Variants in CTNNA2 observed in about 807,000 individuals in gnomAD.
CTNNA2 encodes the protein catenin alpha-2.
In CTNNA2, 42 loss-of-function variants were observed where a neutral mutation model predicts 101.0. The ratio of observed to expected loss-of-function variants is 0.42; its 90% CI spans 0.32 to 0.54. The LOEUF (loss-of-function observed/expected upper bound fraction) is 0.54. Ranked by LOEUF, CTNNA2 falls within the 20% of genes least tolerant of loss-of-function variation. CTNNA2 has a pLI of 0.14. For synonymous variants in CTNNA2, 450 were observed against 456.4 expected (o/e 0.99, Z 0.18); for missense variants, 871 against 1,223.1 (o/e 0.71, Z 4.29).
intron 1 of CTNNA2, among the ~76,000 whole-genome samples, chr2:79,592,257 A>C (rs1676909503): frequency 6.6e-6 from 1 of 151,262 alleles, no homozygotes; most frequent in Admixed American, 6.6e-5. Context: ...AGTAGCTGGG[A>C]TTACAGGTGC....
rs183535331 is a variant in CTNNA2 at position 80,186,167 on chromosome 2, C to A, written c.1057-207044C>A. 4.7e-3 allele frequency among the ~76,000 whole-genome samples: 721 copies of A among 152,248 alleles called. 8 individuals carry two copies. The highest frequency in any genetic ancestry group is 5.7e-3 in the Non-Finnish European group (391 of 68,040). ...AGTATCCATCATTATCTTCTTCACTCTGGAAATAAAGATGTTGGAGCCTTC... is the reference window on the plus strand; with the variant it reads ...AGTATCCATCATTATCTTCTTCACTATGGAAATAAAGATGTTGGAGCCTTC... On this transcript the variant is annotated intron_variant, in intron 7 of 18. Coordinates refer to ENST00000402739, the MANE Select transcript of CTNNA2 (RefSeq NM_001282597.3).
rs1005815696 is a variant in CTNNA2 at position 79,847,690 on chromosome 2, A to G, written c.299-10323A>G. On this transcript the variant is annotated intron_variant, in intron 3 of 18. Transcript: ENST00000402739. Reference sequence around the variant, plus strand: ...GCATGATGCCCTCCAAGGTATTGTTAAAGTCTGGAATTTGGACATTAAATC... The same window carrying G: ...GCATGATGCCCTCCAAGGTATTGTTGAAGTCTGGAATTTGGACATTAAATC... 3.3e-5 allele frequency among the ~76,000 whole-genome samples: 5 copies of G among 151,952 alleles called. No homozygotes were observed. The South Asian group carries it at 8.3e-4, about 25-fold the overall frequency.
chr2:79,289,636 T>G (rs1558606521), intron 2 of CTNNA2, among the ~76,000 whole-genome samples: 1 of 152,026 alleles, frequency 6.6e-6, no homozygotes, highest in African/African-American at 2.4e-5. Context: ...TCCCAGCTAC[T>G]CAGGAGGCTG....
At chr2:80,208,909 T>C (rs968887311) in intron 7 of CTNNA2, among the ~76,000 whole-genome samples, 2 of 152,194 alleles carry the variant, frequency 1.3e-5, no homozygotes, top group African/African-American at 4.8e-5. Flanking sequence ...CTCTACTGTG[T>C]GACTTTTATG....
At chr2:79,840,936 A>AT (rs1391128176) in intron 3 of CTNNA2, among the ~76,000 whole-genome samples, 4 of 151,994 alleles carry the variant, frequency 2.6e-5, no homozygotes, top group African/African-American at 7.2e-5. Context: ...CACCCGGCTA[A>AT]TTTTTTGTAT....
chr2:79,887,710 T>C (rs1417003040), intron 6 of CTNNA2, among the ~76,000 whole-genome samples: 2 of 152,228 alleles, frequency 1.3e-5, no homozygotes, highest in Non-Finnish European at 2.9e-5. Context: ...GATACTTTTT[T>C]GAAAAGTGGA....
intron 2 of CTNNA2, among the ~76,000 whole-genome samples, chr2:79,245,609 G>A (rs547881686): frequency 6.6e-6 from 1 of 152,292 alleles, no homozygotes; most frequent in African/African-American, 2.4e-5. Context: ...TTGGTATGGT[G>A]CATTTCAGTC....
chr2:79,830,161 C>T lies in CTNNA2; in HGVS notation c.299-27852C>T, dbSNP rs115793541. On this transcript the variant is annotated intron_variant, in intron 3 of 18. Transcript: ENST00000402739. ...CAATACGAAACATGTCTCAAGTTAT[C>T]CTACAAGAGTACATAAGGGAGATAG... 9.0e-3 allele frequency among the ~76,000 whole-genome samples: 1,348 copies of T among 150,386 alleles called. 27 individuals carry two copies. Among genetic ancestry groups the T allele is most frequent in the African/African-American group, 0.031 (1,273 of 41,124 alleles).
At chr2:79,476,312 C>T (rs971754463) in intron 4 of CTNNA2, among the ~76,000 whole-genome samples, 1 of 152,178 alleles carries the variant, frequency 6.6e-6, no homozygotes, top group Non-Finnish European at 1.5e-5. Context: ...GGCACAGTAT[C>T]TCCTCAGGTT....
At chr2:79,766,758 TTTTTC>T (rs1274912269) in intron 3 of CTNNA2, among the ~76,000 whole-genome samples, 1 of 142,032 alleles carries the variant, frequency 7.0e-6, no homozygotes, top group Non-Finnish European at 1.5e-5. Context: ...TGTATTTTCT[TTTTTC>T]TTTTTTTTTT....
At chr2:79,517,709 CA>C (rs1167144817) in intron 1 of CTNNA2, among the ~76,000 whole-genome samples, 1 of 152,112 alleles carries the variant, frequency 6.6e-6, no homozygotes, top group Non-Finnish European at 1.5e-5. Flanking sequence ...CTAACTCAGC[CA>C]TAAATTTGCA....
At chr2:79,681,935 T>C (rs1005992370) in intron 2 of CTNNA2, among the ~76,000 whole-genome samples, 1 of 152,170 alleles carries the variant, frequency 6.6e-6, no homozygotes. Context: ...AAATTACACT[T>C]TAAATTTTAT....
At chr2:79,368,469 T>C (rs548068882) in intron 3 of CTNNA2, among the ~76,000 whole-genome samples, 2 of 152,342 alleles carry the variant, frequency 1.3e-5, no homozygotes, top group African/African-American at 4.8e-5. Flanking sequence ...CATTTCACCA[T>C]GTAGCTACTC....
At chr2:80,315,380 A>G (rs1264952252) in intron 7 of CTNNA2, among the ~76,000 whole-genome samples, 2 of 152,232 alleles carry the variant, frequency 1.3e-5, no homozygotes, top group African/African-American at 2.4e-5. Context: ...GTTGACTGAA[A>G]GCTGTGGTGC....
At chr2:79,769,084 T>A (rs541589328) in intron 3 of CTNNA2, among the ~76,000 whole-genome samples, 3 of 152,270 alleles carry the variant, frequency 2.0e-5, no homozygotes, top group Admixed American at 2.0e-4. Flanking sequence ...CTCGATCTCC[T>A]GACCTCGTGA....
Position 79,372,018 on chromosome 2 carries a change from A to G in CTNNA2, c.-317-1813A>G, listed in dbSNP as rs903583003. 3.3e-5 allele frequency among the ~76,000 whole-genome samples: 5 copies of G among 152,154 alleles called. No homozygotes were observed. In the South Asian group the frequency reaches 1.0e-3, roughly 31 times the overall value. ...GGCTTCTGAAAACTCTAAAACAGCC[A>G]TTCTCCACCTTTTGAATCCCATGGG... On this transcript the variant is annotated intron_variant, in intron 3 of 21. Coordinates refer to the CTNNA2 transcript ENST00000466387.
At chr2:79,288,832 A>G (rs1053178304) in intron 2 of CTNNA2, among the ~76,000 whole-genome samples, 2 of 152,232 alleles carry the variant, frequency 1.3e-5, no homozygotes, top group African/African-American at 4.8e-5. Flanking sequence ...ACTGACTTTC[A>G]GTGGGGGAAC....
chr2:79,800,136 A>G (rs1676042291), intron 3 of CTNNA2, among the ~76,000 whole-genome samples: 1 of 152,232 alleles, frequency 6.6e-6, no homozygotes, highest in African/African-American at 2.4e-5. Context: ...AATACAAGAG[A>G]ACTCTTTAAG....
intron 7 of CTNNA2, among the ~76,000 whole-genome samples, chr2:80,388,320 G>A (rs192750177): frequency 1.6e-4 from 25 of 152,234 alleles, no homozygotes; most frequent in Admixed American, 4.6e-4. Flanking sequence ...GACAGCTAAC[G>A]TTGACTGAGT....
Sources: gnomAD v4.1 joint callset for allele counts (sites outside exome capture counted in the v4.1 genomes callset) on GRCh38, gnomAD v4.1.1 for gene constraint, MANE v1.5 for transcripts, NCBI Gene and HGNC (gene_info 2026-07-23, HGNC 2026-07-21) for gene names.